The following LRMDA variants were observed in gnomAD, a reference collection of about 807,000 sequenced individuals.
The protein encoded by LRMDA is leucine rich melanocyte differentiation associated.
Under a neutral mutation model 29.8 loss-of-function variants are expected in LRMDA, and 18 were observed. The observed-to-expected ratio is 0.60, with a 90% CI of 0.42 to 0.90. LRMDA has a LOEUF of 0.90. Ranked by LOEUF, LRMDA falls within the 40% of genes least tolerant of loss-of-function variation. The pLI, the probability that LRMDA is intolerant of heterozygous loss-of-function variation, is 0.00. For missense variants in LRMDA, 273 were observed against 273.9 expected (o/e 1.00, Z 0.02); for synonymous variants, 125 against 109.4 (o/e 1.14, Z -0.89).
At chr10:76,305,779 G>A (rs1245847778) in intron 5 of LRMDA, among the ~76,000 whole-genome samples, 3 of 152,014 alleles carry the variant, frequency 2.0e-5, no homozygotes, top group South Asian at 2.1e-4. Flanking sequence ...ATATGTATAC[G>A]TTTAGATGAA....
intron 2 of LRMDA, among the ~76,000 whole-genome samples, chr10:75,443,635 T>C (rs1352604924): frequency 7.2e-5 from 11 of 152,230 alleles, no homozygotes; most frequent in Non-Finnish European, 1.3e-4. Context: ...TTTGCTTGTA[T>C]GTTCATCAGG....
At chr10:75,501,003 G>C (rs1488334093) in intron 2 of LRMDA, among the ~76,000 whole-genome samples, 1 of 152,150 alleles carries the variant, frequency 6.6e-6, no homozygotes, top group Non-Finnish European at 1.5e-5. Context: ...TCTCTTCTTT[G>C]CATGTTGTCT....
intron 6 of LRMDA, among the ~76,000 whole-genome samples, chr10:76,391,919 A>T (rs1311909994): frequency 6.6e-6 from 1 of 152,128 alleles, no homozygotes; most frequent in Non-Finnish European, 1.5e-5. Context: ...ATTTATGGAG[A>T]CTGTATCACC....
chr10:75,783,834 GC>G (rs1054394029), intron 2 of LRMDA, among the ~76,000 whole-genome samples: 12 of 152,250 alleles, frequency 7.9e-5, no homozygotes, highest in Admixed American at 7.8e-4. Flanking sequence ...CAAGCGAAAT[GC>G]CCCAAACCAG....
Position 76,109,892 on chromosome 10 carries a change from C to T in LRMDA, c.516+51109C>T, listed in dbSNP as rs566342105. ...CCACTCTTACATCACCATCTCTGTA[C>T]AGGCTCATCTACATTTACCCAGCTG... is the stretch of plus-strand genomic sequence containing the variant. On this transcript the variant is annotated intron_variant, in intron 5 of 6. Transcript: ENST00000611255. Among the ~76,000 whole-genome samples the T allele has an allele frequency of 2.0e-5, 3 of 152,274 alleles. No individual in the cohort carries two copies. In the East Asian group the frequency reaches 5.8e-4, roughly 29 times the overall value.
At position 75,710,135 on chromosome 10, in the gene LRMDA, C is replaced by T. The variant is rs1036834371; in HGVS notation, c.131+271641C>T. ...ATTATAGCCCAGCCAGAAGAGAAAC[C>T]GAGGGAGCAATAGCAGAATTAATAT... is the stretch of plus-strand genomic sequence containing the variant. On this transcript the variant is annotated intron_variant, in intron 2 of 6. Transcript: ENST00000611255. Among the ~76,000 whole-genome samples, 11 of 152,172 alleles carry T rather than the reference C, an allele frequency of 7.2e-5. No individual in the cohort carries two copies. In the South Asian group the frequency reaches 1.2e-3, roughly 17 times the overall value.
chr10:76,244,880 C>T (rs7090736), intron 5 of LRMDA, among the ~76,000 whole-genome samples: 143 of 152,216 alleles, frequency 9.4e-4, no homozygotes, highest in African/African-American at 2.5e-3. Flanking sequence ...GGCATGAGAA[C>T]GATGAGAAAA....
intron 2 of LRMDA, among the ~76,000 whole-genome samples, chr10:75,667,962 A>G (rs1013636467): frequency 5.3e-5 from 8 of 152,212 alleles, no homozygotes; most frequent in African/African-American, 1.7e-4. Flanking sequence ...CACTACTATC[A>G]ACAGCAACCA....
At chr10:75,888,749 T>A (rs1845433256) in intron 2 of LRMDA, among the ~76,000 whole-genome samples, 1 of 152,172 alleles carries the variant, frequency 6.6e-6, no homozygotes, top group Admixed American at 6.5e-5. Flanking sequence ...AATGTACAAA[T>A]AACATCTGGG....
chr10:75,936,447 G>A (rs1846294952), intron 2 of LRMDA, among the ~76,000 whole-genome samples: 1 of 152,142 alleles, frequency 6.6e-6, no homozygotes, highest in African/African-American at 2.4e-5. Flanking sequence ...TAGACATGGT[G>A]TGTGGTTTTA....
At position 76,495,330 on chromosome 10, in the gene LRMDA, T is replaced by A. The variant is rs373955131; in HGVS notation, c.602-61879T>A. On this transcript the variant is annotated intron_variant, in intron 6 of 6. Coordinates refer to ENST00000611255, the MANE Select transcript of LRMDA (RefSeq NM_001305581.2). Reference sequence around the variant, plus strand: ...TAAAAAATAATTGATCATATTTGTGTAGAACTTTTTTGGGTTCTGTATACT... The same window carrying A: ...TAAAAAATAATTGATCATATTTGTGAAGAACTTTTTTGGGTTCTGTATACT... Among the ~76,000 whole-genome samples the A allele has an allele frequency of 2.2e-4, 33 of 152,048 alleles. No homozygotes were observed. In the South Asian group the frequency reaches 6.6e-3, roughly 31 times the overall value.
intron 6 of LRMDA, among the ~76,000 whole-genome samples, chr10:76,334,986 T>C (rs1365017688): frequency 6.6e-6 from 1 of 152,106 alleles, no homozygotes; most frequent in African/African-American, 2.4e-5. Flanking sequence ...TCTGTGATGA[T>C]AGAAAGATTG....
intron 5 of LRMDA, among the ~76,000 whole-genome samples, chr10:76,273,985 T>G (rs969306611): frequency 1.1e-4 from 16 of 152,202 alleles, no homozygotes; most frequent in Non-Finnish European, 4.4e-5. Context: ...GAGCAGGATT[T>G]ACTTTTTTTT....
chr10:75,802,144 C>T lies in LRMDA; in HGVS notation c.132-233864C>T, dbSNP rs192647342. Among the ~76,000 whole-genome samples the T allele has an allele frequency of 1.5e-3, 225 of 152,170 alleles. 1 individual carries two copies. Among genetic ancestry groups the T allele is most frequent in the Non-Finnish European group, 2.8e-3 (190 of 68,002 alleles). On this transcript the variant is annotated intron_variant, in intron 2 of 6. Coordinates refer to ENST00000611255, the MANE Select transcript of LRMDA (RefSeq NM_001305581.2). ...TCAGCCTGGGCAACACAGGGAGACC[C>T]CATTTCTACAAAAAATTTAAAAAAT...
At chr10:76,320,725 ATTTGT>A (rs1378199544) in intron 5 of LRMDA, among the ~76,000 whole-genome samples, 2 of 152,230 alleles carry the variant, frequency 1.3e-5, no homozygotes, top group African/African-American at 2.4e-5. Flanking sequence ...ATATTTTGAC[ATTTGT>A]TTTAAGTCTT....
At chr10:75,845,780 A>ACCC (rs1307205264) in intron 2 of LRMDA, among the ~76,000 whole-genome samples, 10 of 152,192 alleles carry the variant, frequency 6.6e-5, no homozygotes, top group African/African-American at 2.4e-4. Context: ...TAACTTGGAT[A>ACCC]GAGAGGAGAA....
chr10:76,512,021 G>A (rs1348602630), intron 6 of LRMDA, among the ~76,000 whole-genome samples: 1 of 152,176 alleles, frequency 6.6e-6, no homozygotes, highest in Non-Finnish European at 1.5e-5. Flanking sequence ...ATTCCCATAT[G>A]TTATGGGAGG....
intron 6 of LRMDA, among the ~76,000 whole-genome samples, chr10:76,375,320 GAA>G (rs11299089): frequency 9.3e-5 from 14 of 150,802 alleles, no homozygotes; most frequent in South Asian, 4.2e-4. Flanking sequence ...TGTTTCAAAT[GAA>G]AAAAAAAAAT....
chr10:75,868,343 C>T (rs763819970), intron 2 of LRMDA, among the ~76,000 whole-genome samples: 5 of 152,186 alleles, frequency 3.3e-5, no homozygotes, highest in Non-Finnish European at 4.4e-5. Context: ...CTTAACCTCT[C>T]TGAGCTCCTG....
Sources: gnomAD v4.1 joint callset for allele counts (sites outside exome capture counted in the v4.1 genomes callset) on GRCh38, gnomAD v4.1.1 for gene constraint, MANE v1.5 for transcripts, NCBI Gene and HGNC (gene_info 2026-07-23, HGNC 2026-07-21) for gene names.